Variants in COL15A1 observed in about 807,000 individuals in gnomAD.
The protein encoded by COL15A1 is collagen alpha-1(XV) chain.
In COL15A1, 111 loss-of-function variants were observed where a neutral mutation model predicts 165.9. That is an observed-to-expected ratio of 0.67 (90% CI 0.57 to 0.78). The LOEUF (loss-of-function observed/expected upper bound fraction) is 0.78, where lower values mean the gene tolerates loss of function less well. Ranked by LOEUF, COL15A1 falls within the 30% of genes least tolerant of loss-of-function variation. COL15A1 has a pLI of 0.00. For synonymous variants in COL15A1, 659 were observed against 674.8 expected (o/e 0.98, Z 0.36); for missense variants, 1,745 against 1,789.7 (o/e 0.98, Z 0.45).
intron 16 of COL15A1, among the ~76,000 whole-genome samples, chr9:99,028,884 A>G (rs1291122052): frequency 1.3e-5 from 2 of 152,230 alleles, no homozygotes; most frequent in African/African-American, 4.8e-5. Flanking sequence ...CTCAAAAAGA[A>G]TTTATCAAAT....
intron 16 of COL15A1, among the ~76,000 whole-genome samples, chr9:99,028,467 A>G (rs1012074008): frequency 1.2e-4 from 18 of 152,200 alleles, no homozygotes; most frequent in African/African-American, 4.3e-4. Context: ...CCTGACCAAC[A>G]TGGTGGAACT....
At chr9:98,988,382 C>T (rs891587236) in intron 4 of COL15A1, among the ~76,000 whole-genome samples, 1 of 152,104 alleles carries the variant, frequency 6.6e-6, no homozygotes, top group East Asian at 1.9e-4. Flanking sequence ...GGTCCAAGAA[C>T]AAGGGATTGG....
chr9:98,947,022 C>A (rs1837598081), intron 2 of COL15A1, among the ~76,000 whole-genome samples: 1 of 152,190 alleles, frequency 6.6e-6, no homozygotes, highest in African/African-American at 2.4e-5. Context: ...ACTTACCCTA[C>A]AATCTAGAAC....
At position 99,035,027 on chromosome 9, in the gene COL15A1, A is replaced by G. The variant is rs1267011463; in HGVS notation, c.2093A>G (p.Asn698Ser). The change falls in exon 18 of 42, where the codon AAC (asparagine) becomes AGC (serine). Residue 698 changes from asparagine to serine, a missense_variant. Physicochemically the swap from Asn to Ser is conservative, Grantham distance 46. Transcript: ENST00000375001. ...GSVGEKGDPG[N>S]RGLPGPPGKK... is the part of the protein sequence containing the mutation. Reference sequence around the variant, plus strand: ...TCTTTCCTACAGGGTGACCCTGGCAACAGAGGCTTACCTGGACCCCCGGGG... The same window carrying G: ...TCTTTCCTACAGGGTGACCCTGGCAGCAGAGGCTTACCTGGACCCCCGGGG... The G allele has an allele frequency of 6.2e-7, 1 of 1,613,450 alleles. No homozygotes were observed. Among genetic ancestry groups the G allele is most frequent in the South Asian group, 1.1e-5 (1 of 91,078 alleles).
intron 2 of COL15A1, among the ~76,000 whole-genome samples, chr9:98,971,999 C>T (rs917047441): frequency 1.3e-5 from 2 of 152,158 alleles, no homozygotes; most frequent in African/African-American, 2.4e-5. Context: ...GAGAGTGCCC[C>T]GCCCTGGTCA....
chr9:99,022,289 G>C (rs1337074897), intron 13 of COL15A1, 139 bp downstream of exon 13: 13 of 965,340 alleles, frequency 1.3e-5, no homozygotes, highest in South Asian at 4.4e-5. Context: ...GCCTCTACTA[G>C]GACTCTGCAG....
At position 99,020,413 on chromosome 9, in the gene COL15A1, A is replaced by C; in HGVS notation, c.1672A>C (p.Lys558Gln). Residue 558 changes from lysine (K) to glutamine (Q), a missense_variant, in exon 12 of 42, where the codon AAA becomes CAA. Transcript: ENST00000375001. ...GGCTCAAAGAGAACATGTGGGAATG[A>C]AAGGACAGGCTGGGCCCAAAGGAGA... ...TPAQREHVGM[K>Q]GQAGPKGEKG... 1 of 1,613,716 alleles carries C rather than the reference A, an allele frequency of 6.2e-7. No homozygotes were observed. The highest frequency in any genetic ancestry group is 8.5e-7 in the Non-Finnish European group (1 of 1,179,616).
intron 39 of COL15A1, among the ~76,000 whole-genome samples, chr9:99,064,315 T>A (rs543281958): frequency 6.6e-6 from 1 of 152,246 alleles, no homozygotes; most frequent in African/African-American, 2.4e-5. Flanking sequence ...ACCAGGAGAA[T>A]GAGTTTGAAG....
chr9:98,967,675 T>C (rs1467963052), intron 2 of COL15A1, among the ~76,000 whole-genome samples: 2 of 152,148 alleles, frequency 1.3e-5, no homozygotes, highest in Non-Finnish European at 2.9e-5. Flanking sequence ...CCTGGGTTGG[T>C]CCATGGTGGA....
intron 2 of COL15A1, among the ~76,000 whole-genome samples, chr9:98,950,709 G>C (rs1588487562): frequency 6.6e-6 from 1 of 151,484 alleles, no homozygotes; most frequent in African/African-American, 2.4e-5. Context: ...CCACCTCCCA[G>C]GTTCAAGCAA....
At chr9:98,977,440 C>T (rs770210806) in intron 2 of COL15A1, among the ~76,000 whole-genome samples, 3 of 152,256 alleles carry the variant, frequency 2.0e-5, no homozygotes, top group Non-Finnish European at 4.4e-5. Flanking sequence ...GGTGGCCCTC[C>T]TGCTGGAGGC....
chr9:98,973,464 A>G (rs1311168964), intron 2 of COL15A1, among the ~76,000 whole-genome samples: 3 of 152,242 alleles, frequency 2.0e-5, no homozygotes, highest in Non-Finnish European at 2.9e-5. Flanking sequence ...TTTCCCTGGC[A>G]AGGAAACAGT....
chr9:99,051,148 T>C (rs1480111012), intron 30 of COL15A1, among the ~76,000 whole-genome samples: 3 of 152,140 alleles, frequency 2.0e-5, no homozygotes, highest in Non-Finnish European at 4.4e-5. Flanking sequence ...TGGCTCCAGG[T>C]CACACAGTGA....
At chr9:98,994,510 C>T (rs1353017256) in intron 5 of COL15A1, among the ~76,000 whole-genome samples, 4 of 152,156 alleles carry the variant, frequency 2.6e-5, no homozygotes, top group Non-Finnish European at 5.9e-5. Flanking sequence ...ACTTGGCTCT[C>T]ACTCACGCCA....
intron 30 of COL15A1, among the ~76,000 whole-genome samples, chr9:99,050,162 C>T (rs1839562872): frequency 6.6e-6 from 1 of 152,212 alleles, no homozygotes; most frequent in Non-Finnish European, 1.5e-5. Flanking sequence ...ATTGCGACCA[C>T]ATTAGCTTCA....
intron 5 of COL15A1, among the ~76,000 whole-genome samples, chr9:98,993,559 T>C (rs1348730616): frequency 6.6e-6 from 1 of 152,180 alleles, no homozygotes; most frequent in Non-Finnish European, 1.5e-5. Context: ...TCCATTTCCT[T>C]TAGTCTCATT....
At chr9:98,956,709 AC>A (rs1837781371) in intron 2 of COL15A1, among the ~76,000 whole-genome samples, 1 of 152,094 alleles carries the variant, frequency 6.6e-6, no homozygotes, top group South Asian at 2.1e-4. Context: ...GCTTCTTGCC[AC>A]TCAATCTTCT....
At chr9:98,951,679 C>T (rs1255062188) in intron 2 of COL15A1, among the ~76,000 whole-genome samples, 1 of 152,198 alleles carries the variant, frequency 6.6e-6, no homozygotes, top group East Asian at 1.9e-4. Context: ...ATCCTCCTTC[C>T]TCAGCCTCCT....
intron 13 of COL15A1, among the ~76,000 whole-genome samples, chr9:99,022,372 C>T (rs1197301366): frequency 2.6e-5 from 4 of 152,208 alleles, no homozygotes; most frequent in Non-Finnish European, 5.9e-5. Context: ...TCTTCAAACT[C>T]AACACTTCCC....
Sources: gnomAD v4.1 joint callset for allele counts (sites outside exome capture counted in the v4.1 genomes callset) on GRCh38, gnomAD v4.1.1 for gene constraint, MANE v1.5 for transcripts, NCBI Gene and HGNC (gene_info 2026-07-23, HGNC 2026-07-21) for gene names.